OSMR: variants seen among roughly 807,000 people sequenced by gnomAD.
OSMR encodes the protein oncostatin M receptor.
In OSMR, 81 loss-of-function variants were observed where a neutral mutation model predicts 99.9. That is an observed-to-expected ratio of 0.81 (90% CI 0.68 to 0.97). The LOEUF is 0.97. OSMR is among the 50% of genes least tolerant of loss of function. The probability of loss-of-function intolerance (pLI) is 0.00; values close to 1 mark genes in which losing one functional copy is unlikely to be tolerated. For synonymous variants in OSMR, 406 were observed against 410.4 expected, an observed-to-expected ratio of 0.99 and a Z score of 0.13; for missense variants, 1,099 against 1,153.4, an observed-to-expected ratio of 0.95 and a Z score of 0.68.
At chr5:38,916,775 G>A (rs1014153454) in intron 9 of OSMR, among the ~76,000 whole-genome samples, 5 of 152,130 alleles carry the variant, frequency 3.3e-5, no homozygotes, top group African/African-American at 1.2e-4. Context: ...GAAGCAGGTT[G>A]TTTTCTGAGT....
rs538976386 is a variant in OSMR, at chr5:38,931,765, T to G, written c.2213-118T>G. The G allele has an allele frequency of 2.0e-6, 3 of 1,506,040 alleles. No individual in the cohort carries two copies. In the African/African-American group the frequency reaches 4.2e-5, roughly 21 times the overall value. 93.3% of individuals were successfully genotyped at this position (1,506,040 alleles called of 1,614,324 possible). Reference sequence around the variant, plus strand: ...GGCAGAATTCATATTACAACTTGCATACATAATTTGAGAAATAATAAACAT... The same window carrying G: ...GGCAGAATTCATATTACAACTTGCAGACATAATTTGAGAAATAATAAACAT... On this transcript the variant is annotated intron_variant, in intron 15 of 17. Coordinates refer to ENST00000274276, the MANE Select transcript of OSMR (RefSeq NM_003999.3).
intron 7 of OSMR, among the ~76,000 whole-genome samples, chr5:38,899,915 C>T (rs1561382140): frequency 6.6e-6 from 1 of 152,158 alleles, no homozygotes; most frequent in Non-Finnish European, 1.5e-5. Flanking sequence ...GCCTTCCCAG[C>T]TAGTGTCTTA....
At chr5:38,891,480 C>T (rs533906795) in intron 7 of OSMR, among the ~76,000 whole-genome samples, 2 of 152,324 alleles carry the variant, frequency 1.3e-5, no homozygotes, top group East Asian at 3.9e-4. Flanking sequence ...CAGCAGGCCC[C>T]ATGGAGAACA....
chr5:38,945,173 T>C (rs537492857), downstream of OSMR: 3 of 832,322 alleles, frequency 3.6e-6, no homozygotes, highest in African/African-American at 3.5e-5. Flanking sequence ...TCTTCTCTAA[T>C]TGTATGCAAT....
chr5:38,891,311 G>A (rs551222310), intron 7 of OSMR, among the ~76,000 whole-genome samples: 2 of 152,356 alleles, frequency 1.3e-5, no homozygotes, highest in South Asian at 4.1e-4. Flanking sequence ...CAGGAAGGAT[G>A]CAAGGTCCTT....
At chr5:38,939,455 T>C (rs559435437), downstream of OSMR, 22 of 232,296 alleles carry the variant, frequency 9.5e-5, no homozygotes, top group South Asian at 1.8e-3. Context: ...GAACAGACTG[T>C]TTCCCCCTTC....
At chr5:38,894,382 A>G (rs1744351439) in intron 7 of OSMR, among the ~76,000 whole-genome samples, 1 of 151,932 alleles carries the variant, frequency 6.6e-6, no homozygotes, top group Non-Finnish European at 1.5e-5. Context: ...AGTGAATTAA[A>G]TTAATTATTG....
At chr5:38,892,591 T>C (rs933580421) in intron 7 of OSMR, among the ~76,000 whole-genome samples, 7 of 152,138 alleles carry the variant, frequency 4.6e-5, no homozygotes, top group African/African-American at 1.7e-4. Flanking sequence ...CCAAAGGTGA[T>C]GTCCCCCCAT....
chr5:38,938,984 G>GA (rs1237960249), downstream of OSMR: 4 of 232,896 alleles, frequency 1.7e-5, no homozygotes, highest in Admixed American at 1.1e-4. Flanking sequence ...GACTAAAGGA[G>GA]AAAAAACCTT....
rs186633949 is a variant in OSMR, at chr5:38,919,001, C to T, written c.1524C>T (p.Ala508=). 138 of 1,613,994 alleles carry T rather than the reference C, an allele frequency of 8.6e-5. No homozygotes were observed. The African/African-American group carries it at 1.7e-3, about 20-fold the overall frequency. ...GTTCCTACCAAATCTGCGTCATAGCCAACAACAGTGTGGGTGCTTCTCCTG... is the reference window on the plus strand; with the variant it reads ...GTTCCTACCAAATCTGCGTCATAGCTAACAACAGTGTGGGTGCTTCTCCTG... The part of the protein sequence containing the change: ...DRCSYQICVI[A]NNSVGASPAS... Residue 508 remains alanine (A), a synonymous_variant, in exon 11 of 18, where the codon GCC becomes GCT. Transcript: ENST00000274276.
intron 2 of OSMR, 91 bp from the exon 3 acceptor site, chr5:38,876,109 TA>T: frequency 6.4e-7 from 1 of 1,551,122 alleles, no homozygotes; most frequent in Non-Finnish European, 8.8e-7. Flanking sequence ...TTTCCAGAGC[TA>T]AATAATGATG....
At position 38,942,947 on chromosome 5, in the gene OSMR, T is replaced by C. The variant is rs753883867; in HGVS notation, c.75-1254T>C. 1.2e-5 allele frequency: 20 copies of C among 1,605,706 alleles called. No individual in the cohort carries two copies. The East Asian group carries it at 4.5e-4, about 36-fold the overall frequency. On this transcript the variant is annotated intron_variant and NMD_transcript_variant, in intron 1 of 2. Transcript: ENST00000508882. ...CAGAGTAAAGGCATATGTCATCAAA[T>C]GTTTGAGGATACTTCTCCTTAATTC...
At chr5:38,918,648 A>C (rs1207983565) in intron 10 of OSMR, 192 bp from the exon 11 acceptor site, 1 of 702,480 alleles carries the variant, frequency 1.4e-6, no homozygotes, top group Non-Finnish European at 1.7e-6. Flanking sequence ...CCTCTTCTCT[A>C]CTCACCTTCA....
chr5:38,924,571 C>T lies in OSMR; in HGVS notation c.2020C>T (p.Arg674Ter), dbSNP rs776611702. Residue 674 changes from arginine (R) to a stop codon, truncating the protein, a stop_gained, in exon 14 of 18, where the codon CGA becomes TGA. Coordinates refer to ENST00000274276, the MANE Select transcript of OSMR (RefSeq NM_003999.3). LOFTEE classifies it high-confidence loss of function. ...LKSKARQCHP[R>*]FEKAVLSDGS... The stretch of plus-strand genomic sequence containing the variant: ...ATCCAAGGCGAGGCAGTGCCACCCA[C>T]GATTTGAAAAGGCAGTTCTTTCAGG... The T allele has an allele frequency of 1.9e-5, 30 of 1,613,332 alleles. No homozygotes were observed. Among genetic ancestry groups the T allele is most frequent in the African/African-American group, 1.5e-4 (11 of 74,910 alleles).
chr5:38,852,504 C>T (rs1404127444), intron 1 of OSMR, among the ~76,000 whole-genome samples: 2 of 152,056 alleles, frequency 1.3e-5, no homozygotes. Context: ...ACTACATAGA[C>T]ATACACAGAC....
In OSMR at chr5:38,932,468, A is replaced by C. The variant is rs777178721; in HGVS notation, c.2300A>C (p.Lys767Thr). The change falls in exon 17 of 18, where the codon AAG becomes ACG. Residue 767 changes from lysine (K) to threonine (T), a missense_variant. Transcript: ENST00000274276. ...VMCYLKSQWI[K>T]ETCYPDIPDP... ...ATTTTCGCTTTTTTTTCTAGGATCA[A>C]GGAGACCTGTTATCCTGACATCCCT... is the stretch of plus-strand genomic sequence containing the variant. 1.9e-6 allele frequency: 3 copies of C among 1,612,960 alleles called. No individual in the cohort carries two copies. Among genetic ancestry groups the C allele is most frequent in the Non-Finnish European group, 2.5e-6 (3 of 1,179,046 alleles).
At position 38,931,823 on chromosome 5, in the gene OSMR, A is replaced by G. The variant is rs765440524; in HGVS notation, c.2213-60A>G. Reference sequence around the variant, plus strand: ...TACTTTCAATCATAAACTTGTATTTATTCCTTTGAGGAAGGGAAAAGTACT... The same window carrying G: ...TACTTTCAATCATAAACTTGTATTTGTTCCTTTGAGGAAGGGAAAAGTACT... On this transcript the variant is annotated intron_variant, in intron 15 of 17. Transcript: ENST00000274276. 5 of 1,579,826 alleles carry G rather than the reference A, an allele frequency of 3.2e-6. No homozygotes were observed. The East Asian group carries it at 9.0e-5, about 29-fold the overall frequency.
intron 1 of OSMR, among the ~76,000 whole-genome samples, chr5:38,858,520 A>G (rs1741035554): frequency 6.6e-6 from 1 of 152,178 alleles, no homozygotes; most frequent in African/African-American, 2.4e-5. Flanking sequence ...CTGGTGTACA[A>G]CACAGTTTAA....
Position 38,876,368 on chromosome 5 carries a change from T to C in OSMR, c.241T>C (p.Trp81Arg), listed in dbSNP as rs1224028789. 1 of 1,612,572 alleles carries C rather than the reference T, an allele frequency of 6.2e-7. No individual in the cohort carries two copies. ...TAGGATTGAAACATCCAATGTCATCTGGGTGGTAAGTAATTTTTTTGGCTC... is the reference window on the plus strand; with the variant it reads ...TAGGATTGAAACATCCAATGTCATCCGGGTGGTAAGTAATTTTTTTGGCTC... ...ISRIETSNVIWVGNYSTTVKW... is the reference protein window; with the variant it reads ...ISRIETSNVIRVGNYSTTVKW... The change falls in exon 3 of 18, where the codon TGG (tryptophan) becomes CGG (arginine). Residue 81 changes from tryptophan (W) to arginine (R), a missense_variant. By Grantham distance (101) the Trp-to-Arg change is moderately radical (BLOSUM62 -3). Coordinates refer to ENST00000274276, the MANE Select transcript of OSMR (RefSeq NM_003999.3).
Sources: allele counts gnomAD v4.1 joint callset (sites outside exome capture counted in the v4.1 genomes callset), GRCh38; gene constraint gnomAD v4.1.1; transcripts MANE v1.5; gene names NCBI Gene and HGNC (gene_info 2026-07-23, HGNC 2026-07-21).